ZNF780B: variants seen among roughly 807,000 people sequenced by gnomAD.
ZNF780B encodes the protein zinc finger protein 779.
ZNF780B carries 52 observed loss-of-function variants against 74.1 expected under a neutral mutation model. That is an observed-to-expected ratio of 0.70 (90% CI 0.56 to 0.88). The LOEUF (loss-of-function observed/expected upper bound fraction) is 0.88, where lower values mean the gene tolerates loss of function less well. Ranked by LOEUF, ZNF780B falls within the 40% of genes least tolerant of loss-of-function variation. The probability of loss-of-function intolerance (pLI) is 0.00; values close to 1 mark genes in which losing one functional copy is unlikely to be tolerated. For synonymous variants in ZNF780B, 315 were observed against 324.3 expected, an observed-to-expected ratio of 0.97 and a Z score of 0.31; for missense variants, 953 against 1,007.6, an observed-to-expected ratio of 0.95 and a Z score of 0.73.
chr19:40,047,468 T>C lies in ZNF780B; in HGVS notation c.139A>G (p.Ser47Gly). The C allele has an allele frequency of 6.2e-7, 1 of 1,607,262 alleles. No individual in the cohort carries two copies. ...ATCACATCTGGCTTAGAAATGGAAC[T>C]TCCTGCTTAAAAGAAATAACACATG... Reference protein sequence around the residue: ...ENYSHLISLGSSISKPDVITL... With the variant: ...ENYSHLISLGGSISKPDVITL... The change falls in exon 4 of 5, where the codon AGT becomes GGT. Residue 47 changes from serine (S) to glycine (G), a missense_variant and splice_region_variant. By Grantham distance (56) the Ser-to-Gly change is moderately conservative (BLOSUM62 0). Coordinates refer to ENST00000434248, the MANE Select transcript of ZNF780B (RefSeq NM_001005851.3).
At position 40,034,179 on chromosome 19, in the gene ZNF780B, T is replaced by G. The variant is rs747465237; in HGVS notation, c.*178A>C. The G allele has an allele frequency of 4.9e-5, 33 of 677,568 alleles. 1 individual carries two copies. The Middle Eastern group carries it at 9.9e-4, about 20-fold the overall frequency. The allele number at this position is 677,568 out of a possible 1,614,324, so 42.0% of individuals were successfully genotyped here. A position where few individuals can be genotyped will look rare whatever the true frequency, so the allele number is the denominator to read the frequency against. On this transcript the variant is annotated 3_prime_UTR_variant, in exon 5 of 5. Coordinates refer to ENST00000434248, the MANE Select transcript of ZNF780B (RefSeq NM_001005851.3). The stretch of plus-strand genomic sequence containing the variant: ...AAAGGCTTTCCCACATTCTTCACAT[T>G]GATATGGTTTCTCACCAGTATGAAT...
Position 40,035,377 on chromosome 19 carries a change from A to T in ZNF780B, c.1482T>A (p.Ile494=). 1 of 1,614,144 alleles carries T rather than the reference A, an allele frequency of 6.2e-7. No individual in the cohort carries two copies. Among genetic ancestry groups the T allele is most frequent in the Admixed American group, 1.7e-5 (1 of 60,016 alleles). The part of the protein sequence containing the change: ...LLTQLARHKN[I]HTGEKPFECK... Reference sequence around the variant, plus strand: ...ATTCAAATGGTTTCTCACCAGTATGAATGTTCTTATGTCGAGCAAGCTGTG... The same window carrying T: ...ATTCAAATGGTTTCTCACCAGTATGTATGTTCTTATGTCGAGCAAGCTGTG... The change falls in exon 5 of 5, where the codon ATT becomes ATA. Residue 494 remains isoleucine (I), a synonymous_variant. Transcript: ENST00000434248.
rs1972035515 is a variant in ZNF780B, at chr19:40,032,288, G to A, written c.*2069C>T. ...ATAAACTAGGGCTACACTTCTGTAG[G>A]TTTACTAAGTTCCACAGGGGATTCT... On this transcript the variant is annotated 3_prime_UTR_variant, in exon 5 of 5. Coordinates refer to ENST00000434248, the MANE Select transcript of ZNF780B (RefSeq NM_001005851.3). The A allele has an allele frequency of 2.8e-6, 1 of 362,012 alleles. No homozygotes were observed. Among genetic ancestry groups the A allele is most frequent in the Non-Finnish European group, 5.4e-6 (1 of 185,980 alleles). 22.4% of individuals were successfully genotyped at this position (362,012 alleles called of 1,614,324 possible). A position where few individuals can be genotyped will look rare whatever the true frequency, so the allele number is the denominator to read the frequency against.
At chr19:40,047,537 T>G in intron 3 of ZNF780B, 67 bp from the exon 4 acceptor site, 1 of 1,031,020 alleles carries the variant, frequency 9.7e-7, no homozygotes, top group Non-Finnish European at 1.4e-6. Flanking sequence ...CCCTGAGACC[T>G]AGTTAAACTT....
At position 40,028,779 on chromosome 19, in the gene ZNF780B, T is replaced by C. The variant is rs949100110; in HGVS notation, c.*5578A>G. 3 of 152,248 alleles carry C rather than the reference T, an allele frequency of 2.0e-5. No homozygotes were observed. The highest frequency in any genetic ancestry group is 7.2e-5 in the African/African-American group (3 of 41,458). The allele number at this position is 152,248 out of a possible 1,614,324, so 9.4% of individuals were successfully genotyped here. A position where few individuals can be genotyped will look rare whatever the true frequency, so the allele number is the denominator to read the frequency against. On this transcript the variant is annotated 3_prime_UTR_variant, in exon 5 of 5. Coordinates refer to ENST00000434248, the MANE Select transcript of ZNF780B (RefSeq NM_001005851.3). ...AGAATGGAATGAGCACTCAGACTTA[T>C]ACAGAACTTGGAAGAATAGTAAATA...
chr19:40,052,689 C>T (rs896152886), intron 1 of ZNF780B, among the ~76,000 whole-genome samples: 2 of 152,096 alleles, frequency 1.3e-5, no homozygotes, highest in Non-Finnish European at 2.9e-5. Context: ...TCAATATATA[C>T]TACAAAGCTA....
At position 40,051,212 on chromosome 19, in the gene ZNF780B, TCA is replaced by T. The variant is rs571128446; in HGVS notation, c.-45-837_-45-836del. Among the ~76,000 whole-genome samples the T allele has an allele frequency of 7.6e-3, 1,118 of 146,840 alleles. 6 individuals carry two copies. Among genetic ancestry groups the T allele is most frequent in the Non-Finnish European group, 0.013 (846 of 66,892 alleles). On this transcript the variant is annotated intron_variant, in intron 1 of 4. Transcript: ENST00000434248. The stretch of plus-strand genomic sequence containing the variant: ...TTTAACTTAGAATATATAATTATAT[TCA>T]CACACACACACACACACACATATAT...
chr19:40,043,248 G>A (rs1343175383), intron 4 of ZNF780B, among the ~76,000 whole-genome samples: 2 of 151,874 alleles, frequency 1.3e-5, no homozygotes, highest in Admixed American at 6.6e-5. Context: ...TTGGTGACCC[G>A]CAAATGCTGC....
At chr19:40,042,673 C>T (rs899776495) in intron 4 of ZNF780B, among the ~76,000 whole-genome samples, 1 of 152,216 alleles carries the variant, frequency 6.6e-6, no homozygotes, top group Admixed American at 6.5e-5. Context: ...CACTGATACC[C>T]TTTCTTCCAG....
chr19:40,043,664 C>T (rs972134179), intron 4 of ZNF780B, among the ~76,000 whole-genome samples: 1 of 152,230 alleles, frequency 6.6e-6, no homozygotes, highest in Admixed American at 6.5e-5. Flanking sequence ...GACAGTTGTG[C>T]TAGCAATCAG....
At chr19:40,042,016 T>A (rs866731332) in intron 4 of ZNF780B, among the ~76,000 whole-genome samples, 1 of 152,208 alleles carries the variant, frequency 6.6e-6, no homozygotes. Context: ...GGTCTTTACA[T>A]TTTGGCATGT....
In ZNF780B at chr19:40,034,392, T is replaced by G; in HGVS notation, c.2467A>C (p.Asn823His). Residue 823 changes from asparagine (N) to histidine (H), a missense_variant, in exon 5 of 5, where the codon AAC becomes CAC. Asn to His is a moderately conservative substitution (Grantham distance 68, BLOSUM62 1). Transcript: ENST00000434248. ...ATGAATTTTCTGATGTTCAGTAAGTTGCTACTGATGTCTGAAGGCTGTCCC... is the reference window on the plus strand; with the variant it reads ...ATGAATTTTCTGATGTTCAGTAAGTGGCTACTGATGTCTGAAGGCTGTCCC... ...NVGQPSDISS[N>H]LLNIRKFILG The G allele has an allele frequency of 6.2e-7, 1 of 1,611,422 alleles. No individual in the cohort carries two copies. The highest frequency in any genetic ancestry group is 8.5e-7 in the Non-Finnish European group (1 of 1,178,282).
intron 1 of ZNF780B, 82 bp from the exon 2 acceptor site, chr19:40,050,459 T>C (rs547685064): frequency 3.0e-6 from 4 of 1,352,200 alleles, no homozygotes; most frequent in East Asian, 5.0e-5. Flanking sequence ...TATCCTCCAT[T>C]CCTATTTCTC....
Position 40,034,740 on chromosome 19 carries a change from T to G in ZNF780B, c.2119A>C (p.Arg707=), listed in dbSNP as rs145651086. ...TGTTCAGTAAGCTGGTAATGATATC[T>G]AAAGGTCTTCCTACACTCCTTACAT... The part of the protein sequence containing the change: ...FVCKECRKTF[R]YHYQLTEHYR... Residue 707 remains arginine, a synonymous_variant, in exon 5 of 5, where the codon AGA becomes CGA. Coordinates refer to ENST00000434248, the MANE Select transcript of ZNF780B (RefSeq NM_001005851.3). The G allele has an allele frequency of 1.7e-3, 2,813 of 1,613,984 alleles. 22 individuals are homozygous for G. The highest frequency in any genetic ancestry group is 0.016 in the African/African-American group (1,201 of 74,966).
chr19:40,037,966 G>C (rs1301926409), intron 4 of ZNF780B, among the ~76,000 whole-genome samples: 1 of 150,632 alleles, frequency 6.6e-6, no homozygotes, highest in Non-Finnish European at 1.5e-5. Flanking sequence ...ACAATGTGCA[G>C]GTTTGTTACA....
chr19:40,049,215 C>T (rs982605494), intron 2 of ZNF780B, among the ~76,000 whole-genome samples: 2 of 109,742 alleles, frequency 1.8e-5, no homozygotes, highest in African/African-American at 7.5e-5. Context: ...GCCTGGGCTA[C>T]AGAGTGAGAC....
Position 40,035,697 on chromosome 19 carries a change from G to T in ZNF780B, c.1162C>A (p.Pro388Thr), listed in dbSNP as rs114702355. Reference sequence around the variant, plus strand: ...TTCCCACATTCTTTACATTCAAATGGTTTTTCACCTGTGTGAATATTCTTA... The same window carrying T: ...TTCCCACATTCTTTACATTCAAATGTTTTTTCACCTGTGTGAATATTCTTA... ...RHKNIHTGEK[P>T]FECKECGKSF... Residue 388 changes from proline to threonine, a missense_variant, in exon 5 of 5, where the codon CCA becomes ACA. By Grantham distance (38) the Pro-to-Thr change is conservative. Coordinates refer to ENST00000434248, the MANE Select transcript of ZNF780B (RefSeq NM_001005851.3). The T allele has an allele frequency of 1.2e-3, 1,900 of 1,614,068 alleles. 16 individuals carry two copies. In the African/African-American group the frequency reaches 0.022, roughly 19 times the overall value.
chr19:40,045,656 G>A (rs1972901408), intron 4 of ZNF780B, among the ~76,000 whole-genome samples: 1 of 152,142 alleles, frequency 6.6e-6, no homozygotes, highest in Non-Finnish European at 1.5e-5. Context: ...ATGAAATCAT[G>A]TCATTTGCAG....
In ZNF780B at chr19:40,036,910, C is replaced by CTT. The variant is rs112920803; in HGVS notation, c.233-286_233-285dup. On this transcript the variant is annotated intron_variant, in intron 4 of 4. Coordinates refer to ENST00000434248, the MANE Select transcript of ZNF780B (RefSeq NM_001005851.3). Reference sequence around the variant, plus strand: ...GAATCAGAATTTTTAGTGAAGAAAGCTTTTTTTTTTTTTTTAAGACGAAGT... The same window carrying CTT: ...GAATCAGAATTTTTAGTGAAGAAAGCTTTTTTTTTTTTTTTTTAAGACGAAGT... 8.5e-3 allele frequency among the ~76,000 whole-genome samples: 1,184 copies of CTT among 139,856 alleles called. 6 individuals are homozygous for CTT. Among genetic ancestry groups the CTT allele is most frequent in the Non-Finnish European group, 0.012 (785 of 63,206 alleles). 91.8% of individuals were successfully genotyped at this position (139,856 alleles called of 152,430 possible).
Sources: gnomAD v4.1 joint callset for allele counts (sites outside exome capture counted in the v4.1 genomes callset) on GRCh38, gnomAD v4.1.1 for gene constraint, MANE v1.5 for transcripts, NCBI Gene and HGNC (gene_info 2026-07-23, HGNC 2026-07-21) for gene names.